Variants in GRB10 observed in about 807,000 individuals in gnomAD.
GRB10 encodes the protein growth factor receptor-bound protein 10.
Under a neutral mutation model 80.9 loss-of-function variants are expected in GRB10, and 20 were observed. The observed-to-expected ratio is 0.25, with a 90% CI of 0.17 to 0.36. GRB10 has a LOEUF of 0.36. Among genes scored for constraint, GRB10 ranks in the 10% least tolerant of loss-of-function variants. GRB10 has a pLI of 1.00. For missense variants in GRB10, 548 were observed against 747.7 expected, an observed-to-expected ratio of 0.73 and a Z score of 3.12; for synonymous variants, 291 against 291.5, an observed-to-expected ratio of 1.00 and a Z score of 0.02.
At position 50,725,200 on chromosome 7, in the gene GRB10, C is replaced by A. The variant is rs186693195; in HGVS notation, c.51+7072G>T. ...CGGGATCACAGGGGCAGATGTCCCC[C>A]TTGCTATTCTCATGACAGTAAGTTG... is the stretch of plus-strand genomic sequence containing the variant. On this transcript the variant is annotated intron_variant, in intron 4 of 18. Coordinates refer to ENST00000401949, the MANE Select transcript of GRB10 (RefSeq NM_001350814.2). 1.5e-3 allele frequency among the ~76,000 whole-genome samples: 230 copies of A among 152,318 alleles called. 2 individuals carry two copies. Among genetic ancestry groups the A allele is most frequent in the African/African-American group, 5.2e-3 (217 of 41,568 alleles).
At chr7:50,629,664 A>G (rs1376882442) in intron 7 of GRB10, among the ~76,000 whole-genome samples, 6 of 152,196 alleles carry the variant, frequency 3.9e-5, no homozygotes, top group Non-Finnish European at 5.9e-5. Flanking sequence ...TACTGATGAG[A>G]ATGTTTGTAA....
At chr7:50,607,303 A>G (rs1226766800) in intron 13 of GRB10, among the ~76,000 whole-genome samples, 1 of 152,216 alleles carries the variant, frequency 6.6e-6, no homozygotes, top group African/African-American at 2.4e-5. Context: ...CTGTGTTTGC[A>G]TGCATTCAGT....
chr7:50,788,010 C>G (rs2078766047), intron 1 of GRB10, among the ~76,000 whole-genome samples: 1 of 152,108 alleles, frequency 6.6e-6, no homozygotes, highest in African/African-American at 2.4e-5. Context: ...CGTCTAGGAA[C>G]AGCGATCTCA....
chr7:50,737,700 T>G lies in GRB10; in HGVS notation c.-46-5332A>C, dbSNP rs529925102. ...CCCATCTCTACTAAATATACAAAAA[T>G]TAGCCGGGCATGGTGGCAGGCACCT... On this transcript the variant is annotated intron_variant, in intron 3 of 18. Transcript: ENST00000401949. 1.5e-4 allele frequency among the ~76,000 whole-genome samples: 23 copies of G among 152,180 alleles called. No individual in the cohort carries two copies. In the East Asian group the frequency reaches 4.4e-3, roughly 29 times the overall value.
At chr7:50,734,655 A>G (rs6968670) in intron 3 of GRB10, among the ~76,000 whole-genome samples, 13,501 of 152,244 alleles carry the variant, frequency 0.089, 1,982 homozygotes, top group African/African-American at 0.31. Context: ...ATCACTTAAT[A>G]TGCCAATTTT....
At chr7:50,627,137 A>G (rs1232224979) in intron 7 of GRB10, among the ~76,000 whole-genome samples, 159 bp from the exon 8 acceptor site, 1 of 152,154 alleles carries the variant, frequency 6.6e-6, no homozygotes, top group Admixed American at 6.5e-5. Context: ...AGCTGCAGGG[A>G]TGTGACTCTT....
At chr7:50,718,088 G>C (rs1290859403) in intron 4 of GRB10, among the ~76,000 whole-genome samples, 4 of 152,216 alleles carry the variant, frequency 2.6e-5, no homozygotes, top group South Asian at 2.1e-4. Context: ...TAAGTGCCAG[G>C]ACAAAGAGGG....
At chr7:50,710,903 T>C in intron 4 of GRB10, 1 of 1,612,798 alleles carries the variant, frequency 6.2e-7, no homozygotes, top group Non-Finnish European at 8.5e-7. Context: ...GCCGGCAGCT[T>C]GCATAGGAGG....
intron 7 of GRB10, among the ~76,000 whole-genome samples, chr7:50,648,084 C>T (rs2057474817): frequency 6.6e-6 from 1 of 151,946 alleles, no homozygotes; most frequent in Admixed American, 6.6e-5. Context: ...GGGGAGTAAT[C>T]AACATAGGGA....
At chr7:50,634,787 A>G (rs187454105) in intron 7 of GRB10, among the ~76,000 whole-genome samples, 55 of 152,384 alleles carry the variant, frequency 3.6e-4, no homozygotes, top group Admixed American at 6.5e-4. Flanking sequence ...GTTTTAGAAA[A>G]AGAGACAATG....
chr7:50,629,329 C>A (rs2053566461), intron 7 of GRB10, among the ~76,000 whole-genome samples: 1 of 152,092 alleles, frequency 6.6e-6, no homozygotes, highest in Admixed American at 6.5e-5. Flanking sequence ...CCACAGCCAT[C>A]CCCCCAAAGG....
chr7:50,744,236 C>T (rs141068371), intron 3 of GRB10, among the ~76,000 whole-genome samples: 3 of 152,250 alleles, frequency 2.0e-5, no homozygotes, highest in South Asian at 2.1e-4. Context: ...AAAGAAACCG[C>T]GTAGAACCAT....
intron 3 of GRB10, among the ~76,000 whole-genome samples, chr7:50,752,736 A>T (rs1240591549): frequency 6.6e-6 from 1 of 152,152 alleles, no homozygotes; most frequent in Non-Finnish European, 1.5e-5. Context: ...AGGAGAACAG[A>T]GCTCTTTCCT....
At chr7:50,693,219 GAA>G (rs1348744061) in intron 5 of GRB10, among the ~76,000 whole-genome samples, 2 of 151,566 alleles carry the variant, frequency 1.3e-5, no homozygotes, top group African/African-American at 4.8e-5. Flanking sequence ...CTTCTTGGAG[GAA>G]AAAAAACAAA....
chr7:50,622,951 T>C (rs979985623), intron 8 of GRB10, among the ~76,000 whole-genome samples: 1 of 152,150 alleles, frequency 6.6e-6, no homozygotes, highest in African/African-American at 2.4e-5. Context: ...CCACTGTGCC[T>C]GGCCAAAAAT....
At chr7:50,779,964 C>G (rs1163831112) in intron 2 of GRB10, among the ~76,000 whole-genome samples, 5 of 152,160 alleles carry the variant, frequency 3.3e-5, no homozygotes, top group Non-Finnish European at 5.9e-5. Context: ...TCCTGGACCC[C>G]CTGACCGAGG....
chr7:50,616,082 TAAG>T (rs1350797700), intron 11 of GRB10, 125 bp downstream of exon 11: 2 of 1,043,368 alleles, frequency 1.9e-6, no homozygotes, highest in Non-Finnish European at 2.9e-6. Context: ...ATTAGCTTAT[TAAG>T]AAGTTGTCCT....
chr7:50,739,043 T>C (rs1171884393), intron 3 of GRB10, among the ~76,000 whole-genome samples: 1 of 152,226 alleles, frequency 6.6e-6, no homozygotes, highest in Non-Finnish European at 1.5e-5. Context: ...TATTGGACTA[T>C]AGTTCAGAAA....
chr7:50,599,508 C>T (rs1427104855), intron 17 of GRB10, among the ~76,000 whole-genome samples: 5 of 152,208 alleles, frequency 3.3e-5, no homozygotes, highest in African/African-American at 4.8e-5. Flanking sequence ...CCTGTGTTAA[C>T]GCCTGAATCA....
Sources: allele counts gnomAD v4.1 joint callset (sites outside exome capture counted in the v4.1 genomes callset), GRCh38; gene constraint gnomAD v4.1.1; transcripts MANE v1.5; gene names NCBI Gene and HGNC (gene_info 2026-07-23, HGNC 2026-07-21).